Variants in RCCD1 observed in about 807,000 individuals in gnomAD.
The protein encoded by RCCD1 is RCC1 domain containing 1.
RCCD1 carries 40 observed loss-of-function variants against 37.6 expected under a neutral mutation model. That is an observed-to-expected ratio of 1.06 (90% CI 0.83 to 1.39). The LOEUF (loss-of-function observed/expected upper bound fraction) is 1.39. Ranked by LOEUF, RCCD1 falls within the 40% of genes most tolerant of loss-of-function variation. RCCD1 has a pLI of 0.00. For missense variants in RCCD1, 577 were observed against 517.3 expected, an observed-to-expected ratio of 1.12 and a Z score of -1.12; for synonymous variants, 263 against 230.0, an observed-to-expected ratio of 1.14 and a Z score of -1.30.
chr15:90,959,580 C>T (rs571481953), intron 4 of RCCD1, among the ~76,000 whole-genome samples: 1 of 152,242 alleles, frequency 6.6e-6, no homozygotes, highest in Non-Finnish European at 1.5e-5. Context: ...ACCAATGCAC[C>T]TGGCCCTGGC....
rs1329621781 is a variant in RCCD1, at chr15:90,962,914, G to C, written c.*1145G>C. 6.6e-6 allele frequency: 1 copy of C among 152,110 alleles called. No homozygotes were observed. The highest frequency in any genetic ancestry group is 1.5e-5 in the Non-Finnish European group (1 of 68,036). The allele number at this position is 152,110 out of a possible 1,614,324, so 9.4% of individuals were successfully genotyped here. ...CTTAGGTGATGCTTACTCCATGCCA[G>C]GTAAGGCTCAAAGTGCTTTACAAGT... On this transcript the variant is annotated 3_prime_UTR_variant, in exon 8 of 8. Coordinates refer to ENST00000394258, the MANE Select transcript of RCCD1 (RefSeq NM_001017919.2).
rs967688598 is a variant in RCCD1 at position 90,961,922 on chromosome 15, A to G, written c.*153A>G. ...ACGGTCCTAAACTTGTCTGCACTTTAGAAACACCTGGAGAGCATTGAAAAC... is the reference window on the plus strand; with the variant it reads ...ACGGTCCTAAACTTGTCTGCACTTTGGAAACACCTGGAGAGCATTGAAAAC... On this transcript the variant is annotated 3_prime_UTR_variant, in exon 8 of 8. Coordinates refer to ENST00000394258, the MANE Select transcript of RCCD1 (RefSeq NM_001017919.2). 3 of 609,138 alleles carry G rather than the reference A, an allele frequency of 4.9e-6. No homozygotes were observed. In the African/African-American group the frequency reaches 5.6e-5, roughly 11 times the overall value. 37.7% of individuals were successfully genotyped at this position (609,138 alleles called of 1,614,324 possible). A position where few individuals can be genotyped will look rare whatever the true frequency, so the allele number is the denominator to read the frequency against.
Position 90,961,987 on chromosome 15 carries a change from CAATG to C in RCCD1, c.*221_*224del. 1 of 346,988 alleles carries C rather than the reference CAATG, an allele frequency of 2.9e-6. No individual in the cohort carries two copies. The highest frequency in any genetic ancestry group is 7.8e-4 in the Middle Eastern group (1 of 1,278). The allele number at this position is 346,988 out of a possible 1,614,324, so 21.5% of individuals were successfully genotyped here. A position where few individuals can be genotyped will look rare whatever the true frequency, so the allele number is the denominator to read the frequency against. ...TCAGCATCAATCAAAACAATGAAAT[CAATG>C]AAACAATGAAACCAGAGCTTCTAGG... On this transcript the variant is annotated 3_prime_UTR_variant, in exon 8 of 8. Coordinates refer to ENST00000394258, the MANE Select transcript of RCCD1 (RefSeq NM_001017919.2).
intron 4 of RCCD1, 131 bp downstream of exon 4, chr15:90,957,856 A>G: frequency 1.6e-6 from 2 of 1,228,972 alleles, no homozygotes; most frequent in Non-Finnish European, 2.3e-6. Flanking sequence ...GTCAGTTATG[A>G]CTCCTAAATG....
intron 4 of RCCD1, among the ~76,000 whole-genome samples, chr15:90,959,456 T>C (rs1016308808): frequency 1.3e-5 from 2 of 152,158 alleles, no homozygotes; most frequent in East Asian, 1.9e-4. Flanking sequence ...GTGGTTGTTT[T>C]ATTTACTTAT....
chr15:90,957,392 C>A lies in RCCD1; in HGVS notation c.446C>A (p.Pro149His). 6.5e-7 allele frequency: 1 copy of A among 1,543,238 alleles called. No individual in the cohort carries two copies. The highest frequency in any genetic ancestry group is 8.7e-7 in the Non-Finnish European group (1 of 1,145,976). The change falls in exon 3 of 8, where the codon CCC becomes CAC. Residue 149 changes from proline (P) to histidine (H), a missense_variant. Pro to His is a moderately conservative substitution (Grantham distance 77). Transcript: ENST00000394258. ...CGTGCCTACGTGAGCCCGCGGGCGC[C>A]CTTCTACCGGCCTCTGGCTCCGGAG... ...CARAYVSPRA[P>H]FYRPLAPELR... is the part of the protein sequence containing the mutation.
At chr15:90,956,998 G>T in intron 2 of RCCD1, 98 bp downstream of exon 2, 1 of 1,282,712 alleles carries the variant, frequency 7.8e-7, no homozygotes, top group East Asian at 3.1e-5. Context: ...CCCCGTTCAG[G>T]CCGCCAGCCC....
Position 90,959,942 on chromosome 15 carries a change from A to G in RCCD1, c.722A>G (p.Gln241Arg). The change falls in exon 5 of 8, where the codon CAG becomes CGG. Residue 241 changes from glutamine (Q) to arginine (R), a missense_variant. Physicochemically the swap from Gln to Arg is conservative, Grantham distance 43. Transcript: ENST00000394258. ...ATCTGGGGCTGGAATGAATCAGGGCAGCTGGCCCTGCCCACCAGGAACCTG... is the reference window on the plus strand; with the variant it reads ...ATCTGGGGCTGGAATGAATCAGGGCGGCTGGCCCTGCCCACCAGGAACCTG... Reference protein sequence around the residue: ...IYIWGWNESGQLALPTRNLAE... With the variant: ...IYIWGWNESGRLALPTRNLAE... 1 of 1,613,878 alleles carries G rather than the reference A, an allele frequency of 6.2e-7. No homozygotes were observed. Among genetic ancestry groups the G allele is most frequent in the Non-Finnish European group, 8.5e-7 (1 of 1,179,912 alleles).
chr15:90,958,015 G>A lies in RCCD1; in HGVS notation c.679+290G>A, dbSNP rs531642579. 2.2e-4 allele frequency among the ~76,000 whole-genome samples: 33 copies of A among 152,312 alleles called. 1 individual carries two copies. Among genetic ancestry groups the A allele is most frequent in the Middle Eastern group, 6.8e-3 (2 of 294 alleles). On this transcript the variant is annotated intron_variant, in intron 4 of 7. Transcript: ENST00000394258. ...GCCAGGACTGTCTCTTAACAGTGCTGCCGAGGGAGTATGGAGTGTGAGGGG... is the reference window on the plus strand; with the variant it reads ...GCCAGGACTGTCTCTTAACAGTGCTACCGAGGGAGTATGGAGTGTGAGGGG...
At chr15:90,960,847 C>G in intron 6 of RCCD1, 178 bp from the exon 7 acceptor site, 1 of 707,002 alleles carries the variant, frequency 1.4e-6, no homozygotes, top group South Asian at 1.6e-5. Context: ...CTTTTTCCCT[C>G]GGGATCCTCT....
At chr15:90,960,641 T>G (rs1867219) in intron 6 of RCCD1, 143 bp downstream of exon 6, 324,058 of 752,198 alleles carry the variant, frequency 0.43, 88,467 homozygotes, top group East Asian at 1. Flanking sequence ...CCCAACCCCC[T>G]TGTTGTTTCA....
rs761199386 is a variant in RCCD1, at chr15:90,961,053, G to GGGT, written c.979_979+2dup. ...CAGGGGAGCTCTACACCTGGGGCTG[G>GGGT]GGTAAGTAAAAGGATTGTTTTTGTG... On this transcript the variant is annotated inframe_insertion and splice_region_variant, in exon 7 of 8. Transcript: ENST00000394258. 2 of 1,613,756 alleles carry GGGT rather than the reference G, an allele frequency of 1.2e-6. No individual in the cohort carries two copies. Among genetic ancestry groups the GGGT allele is most frequent in the African/African-American group, 2.7e-5 (2 of 74,968 alleles).
In RCCD1 at chr15:90,957,679, C is replaced by T. The variant is rs760847608; in HGVS notation, c.633C>T (p.Val211=). The T allele has an allele frequency of 4.2e-5, 68 of 1,613,880 alleles. No homozygotes were observed. The Admixed American group carries it at 1.1e-3, about 27-fold the overall frequency. The change falls in exon 4 of 8, where the codon GTC becomes GTT. Residue 211 remains valine, a synonymous_variant. Transcript: ENST00000394258. The part of the protein sequence containing the change: ...PRLLEALQGL[V]MAEVAAGGWH... ...TGTTGGAGGCGTTGCAGGGCCTAGT[C>T]ATGGCTGAGGTGGCCGCGGGGGGCT...
chr15:90,959,772 G>A (rs1308475155), intron 4 of RCCD1, 128 bp from the exon 5 acceptor site: 1 of 656,878 alleles, frequency 1.5e-6, no homozygotes, highest in African/African-American at 1.8e-5. Context: ...GAAGCGCCTT[G>A]GCCTGGAGTG....
At chr15:90,958,500 C>T (rs190227816) in intron 4 of RCCD1, among the ~76,000 whole-genome samples, 17 of 151,950 alleles carry the variant, frequency 1.1e-4, no homozygotes, top group Admixed American at 6.6e-4. Context: ...CAGTGGTGTG[C>T]GCCTGTAGTC....
Position 90,957,380 on chromosome 15 carries a change from G to A in RCCD1, c.434G>A (p.Ser145Asn). Residue 145 changes from serine to asparagine, a missense_variant, in exon 3 of 8, where the codon AGC becomes AAC. Coordinates refer to ENST00000394258, the MANE Select transcript of RCCD1 (RefSeq NM_001017919.2). Reference protein sequence around the residue: ...PLLPCARAYVSPRAPFYRPLA... With the variant: ...PLLPCARAYVNPRAPFYRPLA... ...CTGCCCTGCGCCCGTGCCTACGTGA[G>A]CCCGCGGGCGCCCTTCTACCGGCCT... 6.5e-7 allele frequency: 1 copy of A among 1,544,234 alleles called. No homozygotes were observed. Among genetic ancestry groups the A allele is most frequent in the Non-Finnish European group, 8.7e-7 (1 of 1,146,034 alleles).
At chr15:90,957,002 C>T in intron 2 of RCCD1, 102 bp downstream of exon 2, 1 of 1,282,688 alleles carries the variant, frequency 7.8e-7, no homozygotes, top group Non-Finnish European at 9.9e-7. Context: ...GTTCAGGCCG[C>T]CAGCCCCACA....
Position 90,956,751 on chromosome 15 carries a change from CG to C in RCCD1, c.22del (p.Ala8ProfsTer37). ...TGCTCGGGCATGGCGGAGGAGCGGC[CG>C]GGGGCCTGGTTCGGCTTCGGTTTCT... MAEER[P>X]GAWFGFGFCG... is the part of the protein sequence containing the mutation. On this transcript the variant is annotated frameshift_variant, in exon 2 of 8. Coordinates refer to ENST00000394258, the MANE Select transcript of RCCD1 (RefSeq NM_001017919.2). LOFTEE classifies it high-confidence loss of function. The C allele has an allele frequency of 4.5e-6, 6 of 1,323,056 alleles. No individual in the cohort carries two copies. Among genetic ancestry groups the C allele is most frequent in the South Asian group, 4.8e-5 (2 of 41,664 alleles). 82.0% of individuals were successfully genotyped at this position (1,323,056 alleles called of 1,614,324 possible).
chr15:90,960,807 C>T (rs955827827), intron 6 of RCCD1: 18 of 656,318 alleles, frequency 2.7e-5, no homozygotes, highest in African/African-American at 7.1e-5. Flanking sequence ...CTGCGGCGCT[C>T]GGTAGCATGG....
Sources: allele counts gnomAD v4.1 joint callset (sites outside exome capture counted in the v4.1 genomes callset), GRCh38; gene constraint gnomAD v4.1.1; transcripts MANE v1.5; gene names NCBI Gene and HGNC (gene_info 2026-07-23, HGNC 2026-07-21).